The following NLK variants were observed in gnomAD, a reference collection of about 807,000 sequenced individuals.
The protein encoded by NLK is serine/threonine-protein kinase NLK.
NLK carries 11 observed loss-of-function variants against 59.0 expected under a neutral mutation model. The ratio of observed to expected loss-of-function variants is 0.19; its 90% CI spans 0.12 to 0.31. The LOEUF is 0.31. Among genes scored for constraint, NLK ranks in the 10% least tolerant of loss-of-function variants. NLK has a pLI of 1.00. For synonymous variants in NLK, 235 were observed against 235.9 expected, an observed-to-expected ratio of 1.00 and a Z score of 0.03; for missense variants, 410 against 661.1, an observed-to-expected ratio of 0.62 and a Z score of 4.16.
intron 7 of NLK, among the ~76,000 whole-genome samples, chr17:28,177,065 T>C (rs1908708718): frequency 6.6e-6 from 1 of 151,992 alleles, no homozygotes; most frequent in South Asian, 2.1e-4. Flanking sequence ...GAAGAGAAAA[T>C]AGACTGTTTG....
At chr17:28,192,855 C>G (rs942812166) in intron 10 of NLK, among the ~76,000 whole-genome samples, 1 of 152,134 alleles carries the variant, frequency 6.6e-6, no homozygotes, top group African/African-American at 2.4e-5. Flanking sequence ...GTTCCCACTA[C>G]CATTCTCACT....
intron 2 of NLK, among the ~76,000 whole-genome samples, chr17:28,132,196 G>T (rs117755219): frequency 1.3e-5 from 2 of 152,170 alleles, no homozygotes; most frequent in Admixed American, 1.3e-4. Context: ...CAGGGATGAT[G>T]CCTATTTTGT....
intron 1 of NLK, among the ~76,000 whole-genome samples, chr17:28,083,422 A>G (rs1291148333): frequency 6.6e-6 from 1 of 152,200 alleles, no homozygotes; most frequent in East Asian, 1.9e-4. Context: ...CTGTTATATC[A>G]CATTCAGAAA....
intron 1 of NLK, among the ~76,000 whole-genome samples, chr17:28,084,738 A>G (rs1379965156): frequency 6.6e-6 from 1 of 151,946 alleles, no homozygotes; most frequent in African/African-American, 2.4e-5. Flanking sequence ...TAATTTTTGT[A>G]TTTTTAGTAG....
intron 1 of NLK, among the ~76,000 whole-genome samples, chr17:28,120,207 T>TTTAATCAGTA: frequency 6.6e-6 from 1 of 152,036 alleles, no homozygotes; most frequent in South Asian, 2.1e-4. Flanking sequence ...TTATGTGGAT[T>TTTAATCAGTA]TTAATCAGTA....
chr17:28,099,568 C>CTTTT lies in NLK; in HGVS notation c.459-23017_459-23014dup, dbSNP rs945214545. Among the ~76,000 whole-genome samples, 14 of 122,934 alleles carry CTTTT rather than the reference C, an allele frequency of 1.1e-4. 1 individual carries two copies. The highest frequency in any genetic ancestry group is 4.4e-4 in the East Asian group (2 of 4,536). 80.6% of individuals were successfully genotyped at this position (122,934 alleles called of 152,430 possible). On this transcript the variant is annotated intron_variant, in intron 1 of 10. Transcript: ENST00000407008. ...ATTGTAAATAGTCTTTTGTGTTTGA[C>CTTTT]TTTTTTTTTTTTTTTTTTTTTGAGA...
At chr17:28,072,003 C>G (rs1910020988) in intron 1 of NLK, among the ~76,000 whole-genome samples, 1 of 152,118 alleles carries the variant, frequency 6.6e-6, no homozygotes, top group South Asian at 2.1e-4. Context: ...TTGTATACAA[C>G]CACCCAACTA....
chr17:28,200,800 A>C (rs1157700808), downstream of NLK, among the ~76,000 whole-genome samples: 2 of 152,302 alleles, frequency 1.3e-5, no homozygotes, highest in Middle Eastern at 3.4e-3. Context: ...TACTTAAAAA[A>C]AATTTTTTTT....
At chr17:28,198,798 A>G (rs1249932668), downstream of NLK, among the ~76,000 whole-genome samples, 2 of 152,232 alleles carry the variant, frequency 1.3e-5, no homozygotes, top group Non-Finnish European at 2.9e-5. Context: ...GACAATTTGA[A>G]ACAGGTTTTG....
rs1244623624 is a variant in NLK at position 28,043,033 on chromosome 17, C to T, written c.160C>T (p.His54Tyr). ...CCACCACCACCCTCAACACCATCTT[C>T]ATCCGGGGTCGGCTGCCGCTGTACA... The part of the protein sequence containing the change: ...HHHHHPQHHL[H>Y]PGSAAAVHPV... The change falls in exon 1 of 11, where the codon CAT becomes TAT. Residue 54 changes from histidine (H) to tyrosine (Y), a missense_variant. His to Tyr is a moderately conservative substitution (Grantham distance 83). This residue lies in a region of NLK where 160 missense variants were observed against 171.0 expected (regional missense o/e 0.94). Transcript: ENST00000407008. 2 of 1,556,470 alleles carry T rather than the reference C, an allele frequency of 1.3e-6. No individual in the cohort carries two copies. Among genetic ancestry groups the T allele is most frequent in the Non-Finnish European group, 1.7e-6 (2 of 1,149,442 alleles).
chr17:28,091,228 AT>A (rs1381288347), intron 1 of NLK, among the ~76,000 whole-genome samples: 3 of 152,140 alleles, frequency 2.0e-5, no homozygotes, highest in Non-Finnish European at 4.4e-5. Context: ...AAACAACCAT[AT>A]TTTTATGGCT....
chr17:28,160,300 CTGT>C (rs946511278), intron 3 of NLK, among the ~76,000 whole-genome samples: 3 of 152,296 alleles, frequency 2.0e-5, no homozygotes. Flanking sequence ...TTGTCAAAGG[CTGT>C]TATTATCAGT....
At chr17:28,169,895 T>A (rs1908395681) in intron 6 of NLK, among the ~76,000 whole-genome samples, 1 of 152,118 alleles carries the variant, frequency 6.6e-6, no homozygotes, top group South Asian at 2.1e-4. Flanking sequence ...ACAGCATTGT[T>A]CTTAACCTTT....
intron 4 of NLK, among the ~76,000 whole-genome samples, chr17:28,162,762 T>A (rs1908064516): frequency 1.3e-5 from 2 of 152,118 alleles, no homozygotes. Context: ...CAAAAAAGAC[T>A]CAGCCCATTA....
chr17:28,074,828 A>G (rs1910117090), intron 1 of NLK, among the ~76,000 whole-genome samples: 1 of 152,182 alleles, frequency 6.6e-6, no homozygotes, highest in Admixed American at 6.5e-5. Context: ...AGCGGTTGGG[A>G]TGACTTAACA....
intron 3 of NLK, among the ~76,000 whole-genome samples, chr17:28,145,588 G>A (rs1363483747): frequency 2.6e-5 from 4 of 152,102 alleles, no homozygotes; most frequent in Admixed American, 6.5e-5. Flanking sequence ...TTTCTTTGAT[G>A]CCAAAAACCC....
intron 1 of NLK, among the ~76,000 whole-genome samples, 153 bp from the exon 2 acceptor site, chr17:28,122,450 T>A (rs1906107021): frequency 1.3e-5 from 2 of 152,302 alleles, no homozygotes; most frequent in African/African-American, 4.8e-5. Context: ...TACTCTTTTA[T>A]CTTTCTCACT....
downstream of NLK, among the ~76,000 whole-genome samples, chr17:28,201,356 T>C (rs544227193): frequency 6.6e-6 from 1 of 150,574 alleles, no homozygotes; most frequent in Non-Finnish European, 1.5e-5. Context: ...GTGCTGGCAT[T>C]ACAGGCATGA....
chr17:28,182,928 A>T (rs1366943663), intron 7 of NLK, among the ~76,000 whole-genome samples: 1 of 152,246 alleles, frequency 6.6e-6, no homozygotes, highest in African/African-American at 2.4e-5. Flanking sequence ...CCACAAATAT[A>T]ATCATAGTGA....
Sources: gnomAD v4.1 joint callset for allele counts (sites outside exome capture counted in the v4.1 genomes callset) on GRCh38, gnomAD v4.1.1 for gene constraint, gnomAD v4.1.1 regional missense constraint, MANE v1.5 for transcripts, NCBI Gene and HGNC (gene_info 2026-07-23, HGNC 2026-07-21) for gene names.